Variants in ACMSD observed in about 807,000 individuals in gnomAD.
ACMSD encodes the protein 2-amino-3-carboxymuconate-6-semialdehyde decarboxylase.
ACMSD carries 37 observed loss-of-function variants against 45.9 expected under a neutral mutation model. The ratio of observed to expected loss-of-function variants is 0.81; its 90% CI spans 0.62 to 1.06. The LOEUF (loss-of-function observed/expected upper bound fraction) is 1.06. ACMSD is among the 50% of genes least tolerant of loss of function. The pLI is 0.00. For synonymous variants in ACMSD, 138 were observed against 148.8 expected (o/e 0.93, Z 0.53); for missense variants, 434 against 420.9 (o/e 1.03, Z -0.27).
chr2:134,861,330 G>C (rs1177077616), intron 3 of ACMSD, among the ~76,000 whole-genome samples: 2 of 152,166 alleles, frequency 1.3e-5, no homozygotes, highest in Non-Finnish European at 2.9e-5. Flanking sequence ...CACGGTAAAC[G>C]AAGTGTGTGT....
chr2:134,845,318 G>A (rs1317767745), intron 2 of ACMSD, 41 bp downstream of exon 2: 7 of 1,612,960 alleles, frequency 4.3e-6, no homozygotes, highest in Non-Finnish European at 5.1e-6. Flanking sequence ...AGCACTCAGG[G>A]AGAGCTGAGC....
intron 8 of ACMSD, among the ~76,000 whole-genome samples, chr2:134,888,334 T>G (rs1689575032): frequency 6.6e-6 from 1 of 152,098 alleles, no homozygotes; most frequent in African/African-American, 2.4e-5. Context: ...ACACTGCACA[T>G]CCACTGAATA....
intron 6 of ACMSD, among the ~76,000 whole-genome samples, chr2:134,868,117 C>G (rs1688205940): frequency 6.6e-6 from 1 of 152,154 alleles, no homozygotes; most frequent in African/African-American, 2.4e-5. Context: ...ATGATAATAG[C>G]ATCAGCTCAT....
chr2:134,862,892 C>T lies in ACMSD; in HGVS notation c.250-503C>T, dbSNP rs576954938. On this transcript the variant is annotated intron_variant, in intron 4 of 9. Coordinates refer to ENST00000356140, the MANE Select transcript of ACMSD (RefSeq NM_138326.3). ...AAACTTCAACTGCCTCAGCATTTTG[C>T]CAAGGACAGCCCTGAATGTCACAGC... The T allele has an allele frequency of 3.1e-3, 2,778 of 893,778 alleles. 8 individuals are homozygous for T. Among genetic ancestry groups the T allele is most frequent in the Admixed American group, 4.2e-3 (68 of 16,186 alleles). The allele number at this position is 893,778 out of a possible 1,614,324, so 55.4% of individuals were successfully genotyped here.
chr2:134,853,817 G>T (rs988793456), intron 2 of ACMSD, among the ~76,000 whole-genome samples: 3 of 152,136 alleles, frequency 2.0e-5, no homozygotes, highest in African/African-American at 7.2e-5. Context: ...TCTTACCATG[G>T]ATCTAGCATG....
intron 8 of ACMSD, among the ~76,000 whole-genome samples, chr2:134,897,763 G>C (rs561808438): frequency 4.3e-4 from 65 of 152,010 alleles, no homozygotes; most frequent in African/African-American, 1.5e-3. Flanking sequence ...ATTGTATAAA[G>C]TGTCAAATGG....
At chr2:134,895,845 G>C (rs1483285512) in intron 8 of ACMSD, among the ~76,000 whole-genome samples, 1 of 152,142 alleles carries the variant, frequency 6.6e-6, no homozygotes, top group East Asian at 1.9e-4. Context: ...TGGGTGACAA[G>C]AGTGAAACTC....
chr2:134,886,246 A>ATTATTATTATTTTTTTTTTTT, intron 8 of ACMSD, among the ~76,000 whole-genome samples: 2 of 115,476 alleles, frequency 1.7e-5, no homozygotes, highest in African/African-American at 3.6e-5. Flanking sequence ...TATTATTATT[A>ATTATTATTATTTTTTTTTTTT]TTTTTTTTTT....
Position 134,859,278 on chromosome 2 carries a change from G to C in ACMSD, c.120G>C (p.Leu40Phe). The change falls in exon 3 of 10, where the codon TTG becomes TTC. Residue 40 changes from leucine (L) to phenylalanine (F), a missense_variant. Coordinates refer to ENST00000356140, the MANE Select transcript of ACMSD (RefSeq NM_138326.3). ...TGCCCCAGGGAGAAGCAAAGTTGTTGAAAGATGGGAAAGTCTTCAGAGTGG... is the reference window on the plus strand; with the variant it reads ...TGCCCCAGGGAGAAGCAAAGTTGTTCAAAGATGGGAAAGTCTTCAGAGTGG... ...QHHSKGEAKL[L>F]KDGKVFRVVR... 1 of 1,614,060 alleles carries C rather than the reference G, an allele frequency of 6.2e-7. No individual in the cohort carries two copies. The highest frequency in any genetic ancestry group is 8.5e-7 in the Non-Finnish European group (1 of 1,179,984).
intron 1 of ACMSD, among the ~76,000 whole-genome samples, chr2:134,841,567 T>A (rs1417994062): frequency 1.1e-4 from 16 of 152,152 alleles, no homozygotes; most frequent in Admixed American, 9.8e-4. Flanking sequence ...TTGATCAAAT[T>A]GTTTCTGATG....
At chr2:134,867,434 GATC>G in intron 5 of ACMSD, 142 bp from the exon 6 acceptor site, 1 of 565,644 alleles carries the variant, frequency 1.8e-6, no homozygotes, top group Non-Finnish European at 3.1e-6. Context: ...CTTCTATATA[GATC>G]ATAAAACAAC....
Position 134,881,010 on chromosome 2 carries a change from T to C in ACMSD, c.849+8369T>C, listed in dbSNP as rs59971273. On this transcript the variant is annotated intron_variant, in intron 8 of 9. Transcript: ENST00000356140. ...ATTCATATGTTATTCACTTTCTTTA[T>C]TTATTTAGAGACAAAGTCTCACTCT... Among the ~76,000 whole-genome samples, 460 of 152,324 alleles carry C rather than the reference T, an allele frequency of 3.0e-3. 1 individual carries two copies. The highest frequency in any genetic ancestry group is 0.01 in the African/African-American group (430 of 41,564).
At chr2:134,853,727 G>A (rs1016860955) in intron 2 of ACMSD, among the ~76,000 whole-genome samples, 3 of 152,056 alleles carry the variant, frequency 2.0e-5, no homozygotes, top group African/African-American at 4.8e-5. Context: ...ATGAGAACTG[G>A]GGGCTTATTA....
intron 8 of ACMSD, among the ~76,000 whole-genome samples, chr2:134,886,246 A>ATTATTATTATTATTATTTTTTTTTTTTT: frequency 4.9e-4 from 57 of 115,430 alleles, no homozygotes; most frequent in African/African-American, 1.6e-3. Flanking sequence ...TATTATTATT[A>ATTATTATTATTATTATTTTTTTTTTTTT]TTTTTTTTTT....
chr2:134,848,625 G>GT (rs1313262921), intron 2 of ACMSD, among the ~76,000 whole-genome samples: 1 of 151,778 alleles, frequency 6.6e-6, no homozygotes. Flanking sequence ...TGATGGGGTT[G>GT]TTTTTTTTCT....
At chr2:134,890,476 G>T (rs1455056283) in intron 8 of ACMSD, among the ~76,000 whole-genome samples, 2 of 152,096 alleles carry the variant, frequency 1.3e-5, no homozygotes, top group East Asian at 1.9e-4. Flanking sequence ...TCATCAATTA[G>T]ATCTTCGACT....
rs117736966 is a variant in ACMSD, at chr2:134,863,953, G to A, written c.486+322G>A. On this transcript the variant is annotated intron_variant, in intron 5 of 9. Transcript: ENST00000356140. ...TTTACAGCCACTGTGCAAAAGAATCGTGTTAATGACATACAAATATATATA... is the reference window on the plus strand; with the variant it reads ...TTTACAGCCACTGTGCAAAAGAATCATGTTAATGACATACAAATATATATA... Among the ~76,000 whole-genome samples the A allele has an allele frequency of 1.2e-3, 188 of 152,122 alleles. 2 individuals are homozygous for A. Among genetic ancestry groups the A allele is most frequent in the Admixed American group, 6.6e-3 (101 of 15,284 alleles).
At chr2:134,839,535 C>A (rs1054804970) in intron 1 of ACMSD, among the ~76,000 whole-genome samples, 1 of 152,168 alleles carries the variant, frequency 6.6e-6, no homozygotes, top group Non-Finnish European at 1.5e-5. Context: ...TACTTTCACA[C>A]CACCGATAAT....
intron 2 of ACMSD, among the ~76,000 whole-genome samples, chr2:134,856,494 G>A (rs1242563886): frequency 6.6e-6 from 1 of 151,986 alleles, no homozygotes; most frequent in Non-Finnish European, 1.5e-5. Flanking sequence ...CTTTTTCTCC[G>A]CATCCTTATC....
Sources: allele counts gnomAD v4.1 joint callset (sites outside exome capture counted in the v4.1 genomes callset), GRCh38; gene constraint gnomAD v4.1.1; transcripts MANE v1.5; gene names NCBI Gene and HGNC (gene_info 2026-07-23, HGNC 2026-07-21).